Variants in KIF26B observed in about 807,000 individuals in gnomAD.
KIF26B encodes the protein kinesin family member 26B.
In KIF26B, 63 loss-of-function variants were observed where a neutral mutation model predicts 151.2. That is an observed-to-expected ratio of 0.42 (90% CI 0.34 to 0.51). The LOEUF (loss-of-function observed/expected upper bound fraction) is 0.51, where lower values mean the gene tolerates loss of function less well. KIF26B is among the 20% of genes least tolerant of loss of function. The pLI, the probability that KIF26B is intolerant of heterozygous loss-of-function variation, is 0.07. For missense variants in KIF26B, 2,813 were observed against 2,913.6 expected, an observed-to-expected ratio of 0.97 and a Z score of 0.79; for synonymous variants, 1,357 against 1,262.1, an observed-to-expected ratio of 1.08 and a Z score of -1.59.
chr1:245,297,345 A>G (rs532096077), intron 2 of KIF26B, among the ~76,000 whole-genome samples: 46 of 152,336 alleles, frequency 3.0e-4, no homozygotes, highest in African/African-American at 1.1e-3. Context: ...TCTGTCTCAA[A>G]AAATAAAAAA....
chr1:245,428,477 C>A (rs918374821), intron 4 of KIF26B, among the ~76,000 whole-genome samples: 1 of 152,108 alleles, frequency 6.6e-6, no homozygotes, highest in Non-Finnish European at 1.5e-5. Flanking sequence ...TGTAATTTAA[C>A]GTCTACACTG....
At chr1:245,266,988 C>T (rs1286927848) in intron 2 of KIF26B, among the ~76,000 whole-genome samples, 1 of 152,172 alleles carries the variant, frequency 6.6e-6, no homozygotes, top group Admixed American at 6.5e-5. Flanking sequence ...CTGGTCTTAT[C>T]CTTATCCTTT....
At chr1:245,165,124 G>A (rs1668594619) in intron 2 of KIF26B, among the ~76,000 whole-genome samples, 1 of 152,022 alleles carries the variant, frequency 6.6e-6, no homozygotes, top group Non-Finnish European at 1.5e-5. Context: ...GGTTGGAAGA[G>A]TGGTGTCACC....
intron 2 of KIF26B, among the ~76,000 whole-genome samples, chr1:245,314,573 A>G (rs1461285606): frequency 1.3e-5 from 2 of 152,150 alleles, no homozygotes; most frequent in Non-Finnish European, 1.5e-5. Flanking sequence ...TGAATGGATA[A>G]ATGAGGTCTG....
At chr1:245,578,669 T>A (rs2043147453) in intron 5 of KIF26B, among the ~76,000 whole-genome samples, 1 of 152,248 alleles carries the variant, frequency 6.6e-6, no homozygotes, top group South Asian at 2.1e-4. Context: ...AACCTGTGTT[T>A]CCCTTGTATA....
intron 2 of KIF26B, among the ~76,000 whole-genome samples, chr1:245,300,876 G>C (rs1434095919): frequency 6.7e-6 from 1 of 150,206 alleles, no homozygotes; most frequent in Admixed American, 6.7e-5. Context: ...TGTCACCCAG[G>C]CTGGAGTGCG....
intron 2 of KIF26B, among the ~76,000 whole-genome samples, chr1:245,340,004 T>TC (rs1672305893): frequency 6.6e-6 from 1 of 152,038 alleles, no homozygotes; most frequent in South Asian, 2.1e-4. Flanking sequence ...GAAACCCATT[T>TC]CCCCCCAATA....
chr1:245,579,678 CA>C (rs1363627740), intron 5 of KIF26B, among the ~76,000 whole-genome samples: 1 of 151,626 alleles, frequency 6.6e-6, no homozygotes, highest in African/African-American at 2.4e-5. Context: ...AACAAACAAA[CA>C]AACAAACAAA....
intron 3 of KIF26B, among the ~76,000 whole-genome samples, chr1:245,390,943 A>AACAAAACAAAAC (rs1553270125): frequency 1.4e-4 from 17 of 118,458 alleles, no homozygotes; most frequent in Admixed American, 5.8e-4. Flanking sequence ...AAAAAAAAAA[A>AACAAAACAAAAC]AAAAAAAAAC....
chr1:245,408,786 G>A lies in KIF26B; in HGVS notation c.1000-10793G>A, dbSNP rs1041839695. 3.9e-5 allele frequency among the ~76,000 whole-genome samples: 6 copies of A among 152,160 alleles called. 1 individual carries two copies. Among genetic ancestry groups the A allele is most frequent in the East Asian group, 3.8e-4 (2 of 5,196 alleles). On this transcript the variant is annotated intron_variant, in intron 3 of 14. Coordinates refer to ENST00000407071, the MANE Select transcript of KIF26B (RefSeq NM_018012.4). ...TGCCCAATATGAACTCAAGAGTAGC[G>A]AGAAACCAAGCCCACAGGCCTTATC...
chr1:245,307,643 C>T (rs962148682), intron 2 of KIF26B, among the ~76,000 whole-genome samples: 15 of 152,018 alleles, frequency 9.9e-5, no homozygotes, highest in Admixed American at 9.2e-4. Context: ...AAAAACATTT[C>T]GAAGATAGTT....
chr1:245,318,116 C>T lies in KIF26B; in HGVS notation c.466-48718C>T, dbSNP rs1671813989. ...TTTCTCTTCTCAGTTCAGATTGCCT[C>T]TGTTGCAAGGACTGAGAACTCTGAG... On this transcript the variant is annotated intron_variant, in intron 2 of 14. Transcript: ENST00000407071. This position sits in a 1 kb window ranked among gnomAD's most constrained non-coding sequence, Gnocchi z 4.0. Among the ~76,000 whole-genome samples, 1 of 152,206 alleles carries T rather than the reference C, an allele frequency of 6.6e-6. No homozygotes were observed. Among genetic ancestry groups the T allele is most frequent in the African/African-American group, 2.4e-5 (1 of 41,450 alleles).
intron 5 of KIF26B, among the ~76,000 whole-genome samples, chr1:245,555,830 G>A (rs1007371169): frequency 2.6e-5 from 4 of 152,294 alleles, no homozygotes; most frequent in African/African-American, 4.8e-5. Context: ...CTGGGTGCCT[G>A]TGAAATGAGG....
intron 12 of KIF26B, among the ~76,000 whole-genome samples, chr1:245,693,734 A>G (rs562189766): frequency 5.3e-5 from 8 of 152,256 alleles, no homozygotes; most frequent in African/African-American, 1.4e-4. Flanking sequence ...CGAGGGCACC[A>G]TGGTTTGCTC....
chr1:245,197,781 C>A (rs1481851012), intron 2 of KIF26B, among the ~76,000 whole-genome samples: 1 of 151,986 alleles, frequency 6.6e-6, no homozygotes, highest in Non-Finnish European at 1.5e-5. Context: ...TTTTAATGCC[C>A]AAAAGTAAAG....
chr1:245,158,651 G>T (rs1668484771), intron 2 of KIF26B, among the ~76,000 whole-genome samples: 1 of 152,206 alleles, frequency 6.6e-6, no homozygotes, highest in Non-Finnish European at 1.5e-5. Context: ...ATACGTGAAT[G>T]TCACATAGTA....
intron 2 of KIF26B, among the ~76,000 whole-genome samples, chr1:245,276,904 A>C (rs1161308741): frequency 6.6e-6 from 1 of 152,158 alleles, no homozygotes; most frequent in South Asian, 2.1e-4. Context: ...AGATGTAATT[A>C]AGGTAAGGAT....
chr1:245,500,178 T>C (rs532081532), intron 4 of KIF26B, among the ~76,000 whole-genome samples: 9 of 152,250 alleles, frequency 5.9e-5, no homozygotes, highest in Non-Finnish European at 1.0e-4. Context: ...GGGTGAAAGC[T>C]GTCGACTTTC....
chr1:245,623,036 T>C (rs1028571445), intron 9 of KIF26B, among the ~76,000 whole-genome samples: 1 of 149,858 alleles, frequency 6.7e-6, no homozygotes, highest in Non-Finnish European at 1.5e-5. Context: ...GTTTTTTTTT[T>C]TTTTTTTTTT....
Sources: allele counts gnomAD v4.1 joint callset (sites outside exome capture counted in the v4.1 genomes callset), GRCh38; gene constraint gnomAD v4.1.1; non-coding constraint Gnocchi (gnomAD v3.1); transcripts MANE v1.5; gene names NCBI Gene and HGNC (gene_info 2026-07-23, HGNC 2026-07-21).